Variants in ZNF516 observed in about 807,000 individuals in gnomAD.
The protein encoded by ZNF516 is zinc finger protein 516.
A neutral mutation model predicts 79.7 loss-of-function variants in ZNF516; 19 were observed. That is an observed-to-expected ratio of 0.24 (90% CI 0.17 to 0.35). The LOEUF (loss-of-function observed/expected upper bound fraction) is 0.35. Among genes scored for constraint, ZNF516 ranks in the 10% least tolerant of loss-of-function variants. The pLI is 1.00. For missense variants in ZNF516, 1,678 were observed against 1,679.5 expected, an observed-to-expected ratio of 1.00 and a Z score of 0.02; for synonymous variants, 877 against 739.5, an observed-to-expected ratio of 1.19 and a Z score of -3.02.
At chr18:76,432,490 C>G (rs1170487588) in intron 3 of ZNF516, among the ~76,000 whole-genome samples, 1 of 152,264 alleles carries the variant, frequency 6.6e-6, no homozygotes, top group Non-Finnish European at 1.5e-5. Context: ...CTCACCTGAG[C>G]TGAAACAGAG....
chr18:76,475,414 C>A (rs1914117614), intron 1 of ZNF516, among the ~76,000 whole-genome samples: 2 of 152,198 alleles, frequency 1.3e-5, no homozygotes, highest in South Asian at 4.1e-4. Context: ...TAAAATGGTA[C>A]TTTATCTTTG....
intron 2 of ZNF516, among the ~76,000 whole-genome samples, chr18:76,450,343 C>T (rs1007077357): frequency 6.7e-6 from 1 of 150,170 alleles, no homozygotes; most frequent in Admixed American, 6.6e-5. Flanking sequence ...GCCCCTCCCC[C>T]TCCCCCACTC....
chr18:76,378,740 C>T (rs567756937), intron 4 of ZNF516, 115 bp downstream of exon 4: 19 of 1,426,502 alleles, frequency 1.3e-5, no homozygotes, highest in East Asian at 2.5e-5. Flanking sequence ...GGGATGGGGC[C>T]GGCTGGCTCT....
chr18:76,436,805 C>T (rs569737558), intron 3 of ZNF516, among the ~76,000 whole-genome samples: 1 of 152,162 alleles, frequency 6.6e-6, no homozygotes, highest in South Asian at 2.1e-4. Context: ...CAGTGGCTCA[C>T]ACCTGGAATC....
rs567705025 is a variant in ZNF516, at chr18:76,357,698, T to A, written c.*4800A>T. ...CACATTTTATCTTTTTAAATTAGAATCTTTATTGCATCTGATGGTCCTGTC... is the reference window on the plus strand; with the variant it reads ...CACATTTTATCTTTTTAAATTAGAAACTTTATTGCATCTGATGGTCCTGTC... On this transcript the variant is annotated 3_prime_UTR_variant, in exon 7 of 7. Coordinates refer to ENST00000443185, the MANE Select transcript of ZNF516 (RefSeq NM_014643.4). Among the ~76,000 whole-genome samples the A allele has an allele frequency of 1.5e-4, 22 of 149,524 alleles. No homozygotes were observed. Among genetic ancestry groups the A allele is most frequent in the Non-Finnish European group, 2.8e-4 (19 of 67,950 alleles).
chr18:76,430,095 G>C (rs2075643261), intron 3 of ZNF516, among the ~76,000 whole-genome samples: 1 of 152,048 alleles, frequency 6.6e-6, no homozygotes, highest in Non-Finnish European at 1.5e-5. Flanking sequence ...ACCTTCTGGG[G>C]GCACCTTTAA....
intron 3 of ZNF516, among the ~76,000 whole-genome samples, chr18:76,404,433 G>A (rs1028345637): frequency 1.3e-5 from 2 of 152,014 alleles, no homozygotes; most frequent in African/African-American, 4.8e-5. Flanking sequence ...ATGTGTGCAC[G>A]TGTAAGAGTG....
rs563119809 is a variant in ZNF516, at chr18:76,377,211, G to C, written c.3259+1644C>G. ...TCCACCCAGAGCACATGGGCGGGGA[G>C]AAGATGAGGATCTAAGACCACGCCT... On this transcript the variant is annotated intron_variant, in intron 4 of 6. Transcript: ENST00000443185. 1.1e-3 allele frequency among the ~76,000 whole-genome samples: 171 copies of C among 152,376 alleles called. 1 individual carries two copies. Among genetic ancestry groups the C allele is most frequent in the African/African-American group, 3.8e-3 (160 of 41,590 alleles).
chr18:76,391,324 A>AC (rs1471926387), intron 3 of ZNF516, among the ~76,000 whole-genome samples: 4 of 147,602 alleles, frequency 2.7e-5, no homozygotes, highest in African/African-American at 8.1e-5. Context: ...CCTAACCCTA[A>AC]CCTAACAACT....
intron 3 of ZNF516, among the ~76,000 whole-genome samples, chr18:76,420,780 C>T (rs1340977915): frequency 6.6e-6 from 1 of 152,016 alleles, no homozygotes; most frequent in Non-Finnish European, 1.5e-5. Flanking sequence ...ACTTGCTGTT[C>T]AAAAGTAAAA....
intron 2 of ZNF516, among the ~76,000 whole-genome samples, chr18:76,455,651 A>G (rs961607205): frequency 6.6e-6 from 1 of 152,252 alleles, no homozygotes; most frequent in African/African-American, 2.4e-5. Flanking sequence ...ATTCACCTTC[A>G]TGAAAACAAA....
Position 76,379,994 on chromosome 18 carries a change from G to T in ZNF516, c.2120C>A (p.Ala707Glu). 1 of 1,613,952 alleles carries T rather than the reference G, an allele frequency of 6.2e-7. No individual in the cohort carries two copies. The highest frequency in any genetic ancestry group is 8.5e-7 in the Non-Finnish European group (1 of 1,179,872). The stretch of plus-strand genomic sequence containing the variant: ...GTTGTGCAAATCGGACAGCTTTTCT[G>T]CAGGGTGACCCGTCTGGCCCTCCGC... ...TGAEGQTGHPAEKLSDLHNKE... is the reference protein window; with the variant it reads ...TGAEGQTGHPEEKLSDLHNKE... Residue 707 changes from alanine (A) to glutamate (E), a missense_variant, in exon 4 of 7, where the codon GCA (alanine) becomes GAA (glutamate). Transcript: ENST00000443185.
At chr18:76,490,736 T>C (rs1255151310) in intron 1 of ZNF516, 1 of 982,986 alleles carries the variant, frequency 1.0e-6, no homozygotes, top group Admixed American at 6.1e-5. Flanking sequence ...GCCTTTCTGC[T>C]GTATGTGTAA....
chr18:76,384,038 G>C (rs2145071701), intron 3 of ZNF516, among the ~76,000 whole-genome samples: 1 of 152,332 alleles, frequency 6.6e-6, no homozygotes, highest in African/African-American at 2.4e-5. Context: ...CTCCCAGGCG[G>C]CCCAAGGGGA....
At chr18:76,463,219 T>C (rs1248880297) in intron 1 of ZNF516, 78 bp from the exon 2 acceptor site, 2 of 152,224 alleles carry the variant, frequency 1.3e-5, no homozygotes, top group Non-Finnish European at 2.9e-5. Context: ...TTAAGAAAAA[T>C]TAAAACAATG....
At chr18:76,470,443 C>G (rs751473251) in intron 1 of ZNF516, among the ~76,000 whole-genome samples, 4 of 152,182 alleles carry the variant, frequency 2.6e-5, no homozygotes, top group Non-Finnish European at 4.4e-5. Context: ...ATCTTACATG[C>G]AACATTTAGC....
intron 3 of ZNF516, among the ~76,000 whole-genome samples, chr18:76,414,042 C>A (rs2050284322): frequency 6.6e-6 from 1 of 152,170 alleles, no homozygotes; most frequent in Non-Finnish European, 1.5e-5. Context: ...CTTAGGCCAT[C>A]AAAACATTAT....
chr18:76,433,732 C>A (rs1451286574), intron 3 of ZNF516, among the ~76,000 whole-genome samples: 1 of 152,206 alleles, frequency 6.6e-6, no homozygotes, highest in Non-Finnish European at 1.5e-5. Flanking sequence ...GTGCGTTAAG[C>A]AAACGCCTAG....
intron 1 of ZNF516, chr18:76,490,090 T>C: frequency 3.4e-6 from 3 of 886,928 alleles, no homozygotes; most frequent in Non-Finnish European, 4.1e-6. Context: ...TGCTTGTGCC[T>C]TAACACACCA....
Sources: allele counts gnomAD v4.1 joint callset (sites outside exome capture counted in the v4.1 genomes callset), GRCh38; gene constraint gnomAD v4.1.1; transcripts MANE v1.5; gene names NCBI Gene and HGNC (gene_info 2026-07-23, HGNC 2026-07-21).